The following ABLIM2 variants were observed in gnomAD, a reference collection of about 807,000 sequenced individuals.
ABLIM2 encodes actin-binding LIM protein 2.
Under a neutral mutation model 97.7 loss-of-function variants are expected in ABLIM2, and 53 were observed. The observed-to-expected ratio is 0.54, with a 90% confidence interval of 0.44 to 0.68. The LOEUF (loss-of-function observed/expected upper bound fraction) is 0.68, where lower values mean the gene tolerates loss of function less well. Ranked by LOEUF, ABLIM2 falls within the 30% of genes least tolerant of loss-of-function variation. The pLI, the probability that ABLIM2 is intolerant of heterozygous loss-of-function variation, is 0.00. For missense variants in ABLIM2, 835 were observed against 867.2 expected, an observed-to-expected ratio of 0.96 and a Z score of 0.47; for synonymous variants, 361 against 345.8, an observed-to-expected ratio of 1.04 and a Z score of -0.49.
At chr4:7,976,958 G>A (rs2149512364) in intron 20 of ABLIM2, among the ~76,000 whole-genome samples, 1 of 151,676 alleles carries the variant, frequency 6.6e-6, no homozygotes, top group South Asian at 2.1e-4. Context: ...CATACACACA[G>A]TCACGTGTAT....
chr4:7,998,598 G>GC lies in ABLIM2; in HGVS notation c.1619-5672dup. On this transcript the variant is annotated intron_variant, in intron 16 of 20. Coordinates refer to ENST00000447017, the MANE Select transcript of ABLIM2 (RefSeq NM_001130083.2). This position sits in a 1 kb window ranked among gnomAD's most constrained non-coding sequence, Gnocchi z 6.4. ...GGGTTCACTCCCAGGACTGCGGGGT[G>GC]CCTGCTGGCCACCTGCCCATCTGCT... 2.0e-6 allele frequency: 1 copy of GC among 488,116 alleles called. No individual in the cohort carries two copies. The highest frequency in any genetic ancestry group is 4.1e-6 in the Non-Finnish European group (1 of 244,406). 30.2% of individuals were successfully genotyped at this position (488,116 alleles called of 1,614,324 possible).
Position 7,986,167 on chromosome 4 carries a change from G to A in ABLIM2, c.1681-1274C>T, listed in dbSNP as rs1198236952. Among the ~76,000 whole-genome samples, 3 of 152,248 alleles carry A rather than the reference G, an allele frequency of 2.0e-5. No homozygotes were observed. Among genetic ancestry groups the A allele is most frequent in the African/African-American group, 4.8e-5 (2 of 41,462 alleles). On this transcript the variant is annotated intron_variant, in intron 17 of 20. Transcript: ENST00000447017. This position sits in a 1 kb window ranked among gnomAD's most constrained non-coding sequence, Gnocchi z 4.3. ...GGGTACAGGGATCACATTTCAGCAGGGAGAGTTCTGCAGCCAAAGGAGAGA... is the reference window on the plus strand; with the variant it reads ...GGGTACAGGGATCACATTTCAGCAGAGAGAGTTCTGCAGCCAAAGGAGAGA...
rs1446235208 is a variant in ABLIM2, at chr4:8,015,720, G to T, written c.1423+3898C>A. On this transcript the variant is annotated intron_variant, in intron 14 of 20. Transcript: ENST00000447017. This position sits in a 1 kb window ranked among gnomAD's most constrained non-coding sequence, Gnocchi z 4.6. Reference sequence around the variant, plus strand: ...GTGTGTGTTGGGGGGTGAGGAGAGAGCTGCATTGCCATCTGGTGGCTCATG... The same window carrying T: ...GTGTGTGTTGGGGGGTGAGGAGAGATCTGCATTGCCATCTGGTGGCTCATG... Among the ~76,000 whole-genome samples, 1 of 152,156 alleles carries T rather than the reference G, an allele frequency of 6.6e-6. No homozygotes were observed. The highest frequency in any genetic ancestry group is 1.5e-5 in the Non-Finnish European group (1 of 68,046).
Position 8,054,124 on chromosome 4 carries a change from A to ACTACAC in ABLIM2, c.822+63_822+64insGTGTAG. On this transcript the variant is annotated intron_variant, in intron 8 of 20. Transcript: ENST00000447017. This position sits in a 1 kb window ranked among gnomAD's most constrained non-coding sequence, Gnocchi z 4.9. ...GTAGAATCTGGTCAGTGTCCTCTTA[A>ACTACAC]CTGTACAAAGATGGTGCAGGAGCAG... The ACTACAC allele has an allele frequency of 6.4e-7, 1 of 1,571,346 alleles. No homozygotes were observed. The highest frequency in any genetic ancestry group is 8.8e-7 in the Non-Finnish European group (1 of 1,141,486).
At chr4:8,020,059 C>A in intron 13 of ABLIM2, 143 bp downstream of exon 13, 1 of 716,298 alleles carries the variant, frequency 1.4e-6, no homozygotes, top group Middle Eastern at 4.0e-4. Flanking sequence ...TTAAAGAAAT[C>A]TCAGTGCCTG....
chr4:8,060,659 C>T (rs1431725991), intron 7 of ABLIM2, among the ~76,000 whole-genome samples: 2 of 152,192 alleles, frequency 1.3e-5, no homozygotes, highest in South Asian at 2.1e-4. Flanking sequence ...GTGATCAGGC[C>T]GTATTTGTTT....
rs1024495156 is a variant in ABLIM2 at position 8,075,450 on chromosome 4, T to G, written c.675+2178A>C. On this transcript the variant is annotated intron_variant, in intron 6 of 20. Transcript: ENST00000447017. The surrounding 1 kb of genome is among the most constrained non-coding windows in gnomAD (Gnocchi z 4.4). ...ACTCACACCTGTAATCCCAGCACTT[T>G]GGGCGGTGAAGGCAGGTGAATTGCT... Among the ~76,000 whole-genome samples, 1 of 152,190 alleles carries G rather than the reference T, an allele frequency of 6.6e-6. No individual in the cohort carries two copies. Among genetic ancestry groups the G allele is most frequent in the Non-Finnish European group, 1.5e-5 (1 of 68,040 alleles).
At chr4:8,034,929 G>C (rs1445803166) in intron 10 of ABLIM2, among the ~76,000 whole-genome samples, 1 of 124,046 alleles carries the variant, frequency 8.1e-6, no homozygotes. Context: ...GTGGTAGGTA[G>C]GTGGGTGCGG....
chr4:8,091,751 T>A (rs1330242701), intron 3 of ABLIM2, among the ~76,000 whole-genome samples: 1 of 82,062 alleles, frequency 1.2e-5, no homozygotes, highest in Non-Finnish European at 2.0e-5. Context: ...TATTATATAT[T>A]AATATTATAT....
intron 16 of ABLIM2, among the ~76,000 whole-genome samples, chr4:8,000,357 C>G (rs907047093): frequency 2.0e-5 from 3 of 152,128 alleles, no homozygotes; most frequent in Non-Finnish European, 4.4e-5. Context: ...CTCCTCAACC[C>G]CCACATGCTC....
At chr4:8,090,218 T>C (rs867734192) in intron 3 of ABLIM2, among the ~76,000 whole-genome samples, 1 of 152,218 alleles carries the variant, frequency 6.6e-6, no homozygotes, top group Non-Finnish European at 1.5e-5. Context: ...CTCCGTGTCT[T>C]GCACCCTCCC....
At chr4:8,100,571 A>C (rs1389449142) in intron 2 of ABLIM2, among the ~76,000 whole-genome samples, 1 of 151,902 alleles carries the variant, frequency 6.6e-6, no homozygotes, top group East Asian at 1.9e-4. Flanking sequence ...ACATGGAGGA[A>C]CCTCGACTCC....
rs1293966864 is a variant in ABLIM2 at position 8,083,247 on chromosome 4, C to T, written c.455-2445G>A. ...CAGCAGCGGTCAGATCCCAGCAATG[C>T]CCCCCACCGGCTGTGACCTGGGGAA... On this transcript the variant is annotated intron_variant, in intron 4 of 20. Coordinates refer to ENST00000447017, the MANE Select transcript of ABLIM2 (RefSeq NM_001130083.2). The surrounding 1 kb of genome is among the most constrained non-coding windows in gnomAD (Gnocchi z 4.6). Among the ~76,000 whole-genome samples the T allele has an allele frequency of 2.6e-5, 4 of 152,116 alleles. No individual in the cohort carries two copies. The highest frequency in any genetic ancestry group is 9.7e-5 in the African/African-American group (4 of 41,404).
rs1846920391 is a variant in ABLIM2 at position 8,124,487 on chromosome 4, A to G, written c.11-17850T>C. ...TGGATTTGCCTGCTCTGGGCATTTC[A>G]TGCGAACGGAATCCCACACTGCGTG... On this transcript the variant is annotated intron_variant, in intron 1 of 20. Transcript: ENST00000447017. The surrounding 1 kb of genome is among the most constrained non-coding windows in gnomAD (Gnocchi z 6.1). 6.6e-6 allele frequency among the ~76,000 whole-genome samples: 1 copy of G among 152,030 alleles called. No homozygotes were observed. The highest frequency in any genetic ancestry group is 1.5e-5 in the Non-Finnish European group (1 of 68,002).
At chr4:7,974,747 A>C (rs1731592177) in intron 20 of ABLIM2, among the ~76,000 whole-genome samples, 1 of 151,764 alleles carries the variant, frequency 6.6e-6, no homozygotes, top group African/African-American at 2.4e-5. Context: ...CCATGCATCC[A>C]CTCATCCATC....
intron 7 of ABLIM2, among the ~76,000 whole-genome samples, chr4:8,056,454 C>A (rs1251372241): frequency 4.0e-5 from 6 of 151,864 alleles, no homozygotes; most frequent in Admixed American, 2.6e-4. Context: ...AAGCATAGCA[C>A]CATGCCCAGC....
chr4:8,066,356 GGGAGGGAA>G (rs1294737618), intron 6 of ABLIM2, among the ~76,000 whole-genome samples: 2 of 79,258 alleles, frequency 2.5e-5, no homozygotes, highest in Non-Finnish European at 5.1e-5. Flanking sequence ...GAGGGAGGGA[GGGAGGGAA>G]GGAAGGAAGG....
chr4:8,158,771 C>T lies in ABLIM2; in HGVS notation c.-82G>A, dbSNP rs1716265513. 8.2e-7 allele frequency: 1 copy of T among 1,222,114 alleles called. No individual in the cohort carries two copies. The allele number at this position is 1,222,114 out of a possible 1,614,324, so 75.7% of individuals were successfully genotyped here. Reference sequence around the variant, plus strand: ...CCCGCAGGTGCCGCGCCCGCGCTATCCTCCGCCCGCCCGCCGGCTCCGCGC... The same window carrying T: ...CCCGCAGGTGCCGCGCCCGCGCTATTCTCCGCCCGCCCGCCGGCTCCGCGC... On this transcript the variant is annotated 5_prime_UTR_variant, in exon 1 of 21. Transcript: ENST00000447017.
chr4:8,030,588 C>G (rs73092349), intron 10 of ABLIM2, among the ~76,000 whole-genome samples: 2 of 152,198 alleles, frequency 1.3e-5, no homozygotes, highest in African/African-American at 4.8e-5. Flanking sequence ...CTGCCTGGTG[C>G]GCCACCTCCA....
Sources: allele counts gnomAD v4.1 joint callset (sites outside exome capture counted in the v4.1 genomes callset), GRCh38; gene constraint gnomAD v4.1.1; non-coding constraint Gnocchi (gnomAD v3.1); transcripts MANE v1.5; gene names NCBI Gene and HGNC (gene_info 2026-07-23, HGNC 2026-07-21).